FIGN: variants seen among roughly 807,000 people sequenced by gnomAD.
FIGN encodes fidgetin.
Under a neutral mutation model 51.3 loss-of-function variants are expected in FIGN, and 11 were observed. The observed-to-expected ratio is 0.21, with a 90% CI of 0.13 to 0.35. The LOEUF (loss-of-function observed/expected upper bound fraction) is 0.35. Ranked by LOEUF, FIGN falls within the 10% of genes least tolerant of loss-of-function variation. The pLI, the probability that FIGN is intolerant of heterozygous loss-of-function variation, is 1.00. For missense variants in FIGN, 857 were observed against 943.6 expected, an observed-to-expected ratio of 0.91 and a Z score of 1.20; for synonymous variants, 407 against 363.2, an observed-to-expected ratio of 1.12 and a Z score of -1.37.
rs566427414 is a variant in FIGN, at chr2:163,698,717, C to T, written c.25+36186G>A. Among the ~76,000 whole-genome samples, 16 of 152,192 alleles carry T rather than the reference C, an allele frequency of 1.1e-4. No individual in the cohort carries two copies. In the East Asian group the frequency reaches 1.5e-3, roughly 15 times the overall value. The stretch of plus-strand genomic sequence containing the variant: ...GACTGGTCAGGAAAATTAAGCACAA[C>T]GCAAACTATTCCTTCTGTGGGATCC... On this transcript the variant is annotated intron_variant, in intron 2 of 2. Transcript: ENST00000333129.
chr2:163,615,762 G>A (rs1405553576), intron 2 of FIGN, among the ~76,000 whole-genome samples: 1 of 152,148 alleles, frequency 6.6e-6, no homozygotes, highest in Admixed American at 6.5e-5. Flanking sequence ...AACTCCTACT[G>A]TTGTTTGGAA....
At position 163,609,999 on chromosome 2, in the gene FIGN, C is replaced by T; in HGVS notation, c.1833G>A (p.Met611Ile). 6.2e-7 allele frequency: 1 copy of T among 1,614,108 alleles called. No individual in the cohort carries two copies. The highest frequency in any genetic ancestry group is 8.5e-7 in the Non-Finnish European group (1 of 1,180,014). The change falls in exon 3 of 3, where the codon ATG becomes ATA. Residue 611 changes from methionine to isoleucine, a missense_variant. Met to Ile is a conservative substitution (Grantham distance 10). Coordinates refer to ENST00000333129, the MANE Select transcript of FIGN (RefSeq NM_018086.4). ...PVSRMRTEFL[M>I]QLDTVLTSAE... ...CCGAAGTTAGTACAGTGTCCAGTTG[C>T]ATCAGAAATTCGGTTCTCATCCGAC... is the stretch of plus-strand genomic sequence containing the variant.
Position 163,635,476 on chromosome 2 carries a change from G to A in FIGN, c.26-23670C>T, listed in dbSNP as rs564347264. ...TCTCATTTATTCAAGAGGCTGAAGT[G>A]AGAGGATTGCTTGAGCTCAGGAGGT... On this transcript the variant is annotated intron_variant, in intron 2 of 2. Transcript: ENST00000333129. Among the ~76,000 whole-genome samples the A allele has an allele frequency of 7.2e-5, 11 of 152,290 alleles. No homozygotes were observed. The South Asian group carries it at 2.3e-3, about 32-fold the overall frequency.
intron 2 of FIGN, among the ~76,000 whole-genome samples, chr2:163,621,798 A>G (rs1050101230): frequency 6.6e-6 from 1 of 152,204 alleles, no homozygotes; most frequent in African/African-American, 2.4e-5. Context: ...AGAATGCTGC[A>G]TAATGAGCAG....
intron 2 of FIGN, among the ~76,000 whole-genome samples, chr2:163,634,058 T>C (rs2105312492): frequency 6.6e-6 from 1 of 151,854 alleles, no homozygotes; most frequent in East Asian, 1.9e-4. Context: ...CATGTGCTTT[T>C]CATTCCAATT....
chr2:163,637,287 A>T (rs1299269528), intron 2 of FIGN, among the ~76,000 whole-genome samples: 1 of 152,218 alleles, frequency 6.6e-6, no homozygotes, highest in Non-Finnish European at 1.5e-5. Context: ...GAGACCATGC[A>T]TTCTAAATAT....
chr2:163,682,368 T>C (rs867910111), intron 2 of FIGN, among the ~76,000 whole-genome samples: 19 of 150,818 alleles, frequency 1.3e-4, no homozygotes, highest in Non-Finnish European at 1.9e-4. Context: ...TAACAGTCTA[T>C]AGCCGCAGGC....
At chr2:163,703,289 T>C (rs1209298335) in intron 2 of FIGN, among the ~76,000 whole-genome samples, 3 of 152,230 alleles carry the variant, frequency 2.0e-5, no homozygotes, top group Admixed American at 1.3e-4. Context: ...GATTTAATGA[T>C]ACTGCTGGGC....
chr2:163,673,740 T>C (rs1173168465), intron 2 of FIGN, among the ~76,000 whole-genome samples: 1 of 152,100 alleles, frequency 6.6e-6, no homozygotes, highest in African/African-American at 2.4e-5. Context: ...CTACACAGTG[T>C]AGTGTGGTGG....
intron 2 of FIGN, among the ~76,000 whole-genome samples, chr2:163,616,355 G>T (rs530173863): frequency 6.6e-6 from 1 of 152,292 alleles, no homozygotes; most frequent in South Asian, 2.1e-4. Flanking sequence ...AGGTCTTCTA[G>T]AATCTGTTTT....
At chr2:163,668,129 A>G (rs900381924) in intron 2 of FIGN, among the ~76,000 whole-genome samples, 18 of 151,598 alleles carry the variant, frequency 1.2e-4, no homozygotes, top group Admixed American at 9.9e-4. Flanking sequence ...CTGGGTGTCT[A>G]TAGTGGTTCA....
At chr2:163,685,346 T>A (rs1164980350) in intron 2 of FIGN, among the ~76,000 whole-genome samples, 1 of 152,096 alleles carries the variant, frequency 6.6e-6, no homozygotes, top group Non-Finnish European at 1.5e-5. Flanking sequence ...TTCCTTGGGG[T>A]CTTTCTTCCT....
chr2:163,650,662 A>AT (rs1458260395), intron 2 of FIGN, among the ~76,000 whole-genome samples: 1 of 150,940 alleles, frequency 6.6e-6, no homozygotes. Flanking sequence ...CCTTTTTCTG[A>AT]TTTTTATGTA....
intron 2 of FIGN, among the ~76,000 whole-genome samples, chr2:163,714,004 A>C (rs1684628516): frequency 6.6e-6 from 1 of 152,176 alleles, no homozygotes; most frequent in African/African-American, 2.4e-5. Flanking sequence ...ATTTGCTAAC[A>C]AAGTGGTCAG....
At chr2:163,708,693 T>C (rs570237028) in intron 2 of FIGN, among the ~76,000 whole-genome samples, 14 of 152,000 alleles carry the variant, frequency 9.2e-5, no homozygotes, top group African/African-American at 2.9e-4. Flanking sequence ...CAGCTAAAAG[T>C]GAGGTTAGGA....
chr2:163,731,086 A>G (rs1406573800), intron 2 of FIGN, among the ~76,000 whole-genome samples: 2 of 152,172 alleles, frequency 1.3e-5, no homozygotes, highest in Non-Finnish European at 2.9e-5. Flanking sequence ...TTACTTAATT[A>G]GGCAATCATT....
chr2:163,687,125 A>G (rs1684164115), intron 2 of FIGN, among the ~76,000 whole-genome samples: 2 of 152,224 alleles, frequency 1.3e-5, no homozygotes, highest in South Asian at 4.1e-4. Flanking sequence ...GGCATTTGGA[A>G]GAGTTAGAGG....
At chr2:163,676,175 A>C (rs922371141) in intron 2 of FIGN, among the ~76,000 whole-genome samples, 4 of 151,668 alleles carry the variant, frequency 2.6e-5, no homozygotes, top group African/African-American at 9.7e-5. Flanking sequence ...TTTTGCTTAA[A>C]TTCATTACAT....
rs757076772 is a variant in FIGN at position 163,610,847 on chromosome 2, T to C, written c.985A>G (p.Met329Val). ...KAFYMAGQGDMDSSYGNYSYG... is the reference protein window; with the variant it reads ...KAFYMAGQGDVDSSYGNYSYG... The stretch of plus-strand genomic sequence containing the variant: ...CTGTAATTTCCATAACTGGAGTCCA[T>C]ATCTCCTTGCCCTGCCATGTAGAAA... Residue 329 changes from methionine to valine, a missense_variant, in exon 3 of 3, where the codon ATG (methionine) becomes GTG (valine). Transcript: ENST00000333129. 53 of 1,613,946 alleles carry C rather than the reference T, an allele frequency of 3.3e-5. No individual in the cohort carries two copies. The highest frequency in any genetic ancestry group is 1.2e-4 in the South Asian group (11 of 91,062).
Sources: gnomAD v4.1 joint callset for allele counts (sites outside exome capture counted in the v4.1 genomes callset) on GRCh38, gnomAD v4.1.1 for gene constraint, MANE v1.5 for transcripts, NCBI Gene and HGNC (gene_info 2026-07-23, HGNC 2026-07-21) for gene names.